TAB3: variants seen among roughly 807,000 people sequenced by gnomAD.
TAB3 encodes TGF-beta activated kinase 1 (MAP3K7) binding protein 3.
A neutral mutation model predicts 48.1 loss-of-function variants in TAB3; 18 were observed. The ratio of observed to expected loss-of-function variants is 0.37; its 90% confidence interval spans 0.26 to 0.55. The LOEUF (loss-of-function observed/expected upper bound fraction) is 0.55, where lower values mean the gene tolerates loss of function less well. Ranked by LOEUF, TAB3 falls within the 20% of genes least tolerant of loss-of-function variation. TAB3 has a pLI of 0.78. For missense variants in TAB3, 414 were observed against 549.8 expected (o/e 0.75, Z 2.47); for synonymous variants, 185 against 190.2 (o/e 0.97, Z 0.22).
chrX:30,868,425 A>ATATATATAGCT (rs1271296482), intron 2 of TAB3, among the ~76,000 whole-genome samples: 1 of 60,371 alleles, frequency 1.7e-5, no homozygotes, highest in African/African-American at 7.1e-5. Context: ...TATAGCTTAT[A>ATATATATAGCT]TATATATATA....
intron 9 of TAB3, chrX:30,835,917 C>A (rs987388425): frequency 8.9e-5 from 10 of 112,267 alleles, no homozygotes; most frequent in Non-Finnish European, 1.9e-4. Context: ...ACCTATTCTA[C>A]CAGTAATTTG....
chrX:30,859,392 A>ACACACACACACACACACACACACACACAC, intron 5 of TAB3, 95 bp downstream of exon 5: 1 of 641,415 alleles, frequency 1.6e-6, no homozygotes, highest in Non-Finnish European at 2.5e-6. Flanking sequence ...ACACACACAC[A>ACACACACACACACACACACACACACACAC]AGAAAACATA....
At chrX:30,859,360 C>CCA (rs137921689) in intron 5 of TAB3, 127 bp downstream of exon 5, 106,075 of 342,854 alleles carry the variant, frequency 0.31, 6,885 homozygotes, top group Non-Finnish European at 0.38. Flanking sequence ...AAATCCTGCT[C>CCA]CACACACACA....
chrX:30,869,463 T>C (rs751841047), intron 2 of TAB3, among the ~76,000 whole-genome samples: 2 of 112,446 alleles, frequency 1.8e-5, no homozygotes, highest in African/African-American at 6.5e-5. Flanking sequence ...TGTGTGTTGA[T>C]TATCACTTTC....
At position 30,830,444 on chromosome X, in the gene TAB3, A is replaced by C. The variant is rs1937991296; in HGVS notation, c.*983T>G. The stretch of plus-strand genomic sequence containing the variant: ...TGTAAACATCATGAATTTATCACAA[A>C]ATTGGAAGGAAAAAAAAAAGGCCCT... On this transcript the variant is annotated 3_prime_UTR_variant, in exon 11 of 11. Coordinates refer to ENST00000288422, the MANE Select transcript of TAB3 (RefSeq NM_152787.5). 1 of 111,142 alleles carries C rather than the reference A, an allele frequency of 9.0e-6. No homozygotes were observed. Among genetic ancestry groups the C allele is most frequent in the Admixed American group, 9.6e-5 (1 of 10,422 alleles). 9.2% of individuals were successfully genotyped at this position (111,142 alleles called of 1,213,427 possible).
chrX:30,874,278 T>G (rs1939756795), intron 1 of TAB3, among the ~76,000 whole-genome samples: 1 of 112,509 alleles, frequency 8.9e-6, no homozygotes, highest in East Asian at 2.8e-4. Context: ...CTGTATTATA[T>G]GTGCTATTAA....
chrX:30,870,536 T>C (rs1939635337), intron 2 of TAB3, among the ~76,000 whole-genome samples: 2 of 111,595 alleles, frequency 1.8e-5, no homozygotes, highest in South Asian at 7.5e-4. Flanking sequence ...ACAATGAAGG[T>C]AGAACAAAGA....
At chrX:30,862,051 C>T (rs1449629059) in intron 4 of TAB3, among the ~76,000 whole-genome samples, 1 of 111,768 alleles carries the variant, frequency 8.9e-6, no homozygotes, top group Non-Finnish European at 1.9e-5. Context: ...CGACTACCTA[C>T]AACTCTTAGA....
rs1342583065 is a variant in TAB3, at chrX:30,854,905, G to C, written c.760C>G (p.Pro254Ala). Residue 254 changes from proline (P) to alanine (A), a missense_variant, in exon 6 of 11, where the codon CCA becomes GCA. By Grantham distance (27) the Pro-to-Ala change is conservative. Coordinates refer to ENST00000288422, the MANE Select transcript of TAB3 (RefSeq NM_152787.5). ...TPQSTPWQSS[P>A]QGPVPHYSQR... ...CTATAGTGAGGCACTGGGCCCTGTG[G>C]TGAGGACTGCCACGGCGTACTCTGA... is the stretch of plus-strand genomic sequence containing the variant. 4.1e-6 allele frequency: 5 copies of C among 1,208,008 alleles called. No homozygotes were observed. The African/African-American group carries it at 7.0e-5, about 17-fold the overall frequency.
At chrX:30,878,999 A>G (rs961698645) in intron 1 of TAB3, among the ~76,000 whole-genome samples, 8 of 111,825 alleles carry the variant, frequency 7.2e-5, no homozygotes, top group Non-Finnish European at 1.1e-4. Context: ...GTCAGGAAGG[A>G]AACAAGGGTA....
intron 8 of TAB3, 199 bp from the exon 9 acceptor site, chrX:30,843,248 C>T: frequency 2.8e-6 from 1 of 357,846 alleles, no homozygotes; most frequent in Non-Finnish European, 4.8e-6. Flanking sequence ...AAAACCACTA[C>T]ACAGATGTAT....
At chrX:30,841,525 T>TAA (rs367789627) in intron 9 of TAB3, among the ~76,000 whole-genome samples, 1 of 102,024 alleles carries the variant, frequency 9.8e-6, no homozygotes, top group Non-Finnish European at 2.0e-5. Context: ...AACTTATAAA[T>TAA]AAAAAAAAAA....
intron 9 of TAB3, chrX:30,836,847 C>CA (rs1471158589): frequency 9.1e-6 from 1 of 110,329 alleles, no homozygotes; most frequent in Non-Finnish European, 1.9e-5. Context: ...TGTCTCAAAA[C>CA]AAAAACAAAC....
chrX:30,888,893 CG>C (rs1940211879), intron 1 of TAB3, among the ~76,000 whole-genome samples: 1 of 113,226 alleles, frequency 8.8e-6, no homozygotes, highest in African/African-American at 3.2e-5. Flanking sequence ...CTCGGCCTCT[CG>C]GGGCGTCTGG....
At chrX:30,885,780 C>T (rs1940113432) in intron 1 of TAB3, among the ~76,000 whole-genome samples, 1 of 111,805 alleles carries the variant, frequency 8.9e-6, no homozygotes, top group Non-Finnish European at 1.9e-5. Context: ...GCCTCCCTCA[C>T]TCTTGGCTAT....
Position 30,855,272 on chromosome X carries a change from A to C in TAB3, c.393T>G (p.Val131=). 1 of 1,211,873 alleles carries C rather than the reference A, an allele frequency of 8.3e-7. No homozygotes were observed. Among genetic ancestry groups the C allele is most frequent in the Non-Finnish European group, 1.1e-6 (1 of 895,568 alleles). The change falls in exon 6 of 11, where the codon GTT becomes GTG. Residue 131 remains valine, a synonymous_variant. Coordinates refer to ENST00000288422, the MANE Select transcript of TAB3 (RefSeq NM_152787.5). ...ATGGATTGTAGTTGGGAGTAGCAGC[A>C]ACAACAGCTGGAGCTGAGTGTGGTT... ...VQEPHSAPAV[V]AATPNYNPFF...
intron 2 of TAB3, among the ~76,000 whole-genome samples, chrX:30,869,712 C>T (rs1468597323): frequency 1.8e-5 from 2 of 112,337 alleles, no homozygotes; most frequent in Admixed American, 9.4e-5. Flanking sequence ...GATAGAACAA[C>T]CTATTGGTGA....
chrX:30,888,033 A>C (rs1847409098), intron 1 of TAB3, among the ~76,000 whole-genome samples: 1 of 112,179 alleles, frequency 8.9e-6, no homozygotes, highest in African/African-American at 3.2e-5. Context: ...ACCATGGGTG[A>C]TGAGGCCCTT....
Position 30,846,734 on chromosome X carries a change from T to C in TAB3, c.1711-90A>G, listed in dbSNP as rs747211747. The C allele has an allele frequency of 6.5e-4, 358 of 550,467 alleles. 6 individuals carry two copies. The South Asian group carries it at 0.013, about 20-fold the overall frequency. The allele number at this position is 550,467 out of a possible 1,213,427, so 45.4% of individuals were successfully genotyped here. A position where few individuals can be genotyped will look rare whatever the true frequency, so the allele number is the denominator to read the frequency against. ...CTGCGTTTCATGTTAATTGTAATGATTGGGTATTACCAAGAATACGGCCTT... is the reference window on the plus strand; with the variant it reads ...CTGCGTTTCATGTTAATTGTAATGACTGGGTATTACCAAGAATACGGCCTT... On this transcript the variant is annotated intron_variant, in intron 7 of 10. Coordinates refer to ENST00000288422, the MANE Select transcript of TAB3 (RefSeq NM_152787.5).
Sources: allele counts gnomAD v4.1 joint callset (sites outside exome capture counted in the v4.1 genomes callset), GRCh38; gene constraint gnomAD v4.1.1; transcripts MANE v1.5; gene names NCBI Gene and HGNC (gene_info 2026-07-23, HGNC 2026-07-21).